FBN1: variants seen among roughly 807,000 people sequenced by gnomAD.
FBN1 encodes fibrillin 1.
Under a neutral mutation model 365.1 loss-of-function variants are expected in FBN1, and 29 were observed. That is an observed-to-expected ratio of 0.08 (90% CI 0.06 to 0.11). The LOEUF (loss-of-function observed/expected upper bound fraction) is 0.11. FBN1 is among the 10% of genes least tolerant of loss of function. The probability of loss-of-function intolerance (pLI) is 1.00; values close to 1 mark genes in which losing one functional copy is unlikely to be tolerated. For missense variants in FBN1, 2,476 were observed against 3,703.2 expected, an observed-to-expected ratio of 0.67 and a Z score of 8.60; for synonymous variants, 1,210 against 1,270.5, an observed-to-expected ratio of 0.95 and a Z score of 1.01.
chr15:48,466,467 C>G (rs2043322828), intron 38 of FBN1, among the ~76,000 whole-genome samples: 1 of 152,162 alleles, frequency 6.6e-6, no homozygotes, highest in African/African-American at 2.4e-5. Flanking sequence ...AAGTATTTTA[C>G]CCAGAAACAT....
Position 48,465,559 on chromosome 15 carries a change from A to C in FBN1, c.4942+9T>G. The stretch of plus-strand genomic sequence containing the variant: ...TGCAAGACCTTATCATCCTACCAGG[A>C]CCATTTACCATCACACACTCGTGTA... On this transcript the variant is annotated intron_variant, in intron 40 of 65. Transcript: ENST00000316623. The C allele has an allele frequency of 1.9e-6, 3 of 1,613,880 alleles. No homozygotes were observed. Among genetic ancestry groups the C allele is most frequent in the Non-Finnish European group, 2.5e-6 (3 of 1,179,940 alleles).
intron 44 of FBN1, 97 bp from the exon 45 acceptor site, chr15:48,452,781 T>A (rs1340221426): frequency 7.2e-7 from 1 of 1,393,862 alleles, no homozygotes; most frequent in Non-Finnish European, 1.0e-6. Flanking sequence ...TTTATTTTGA[T>A]CTGTTCTATT....
At chr15:48,545,865 T>C (rs1033124469) in intron 6 of FBN1, among the ~76,000 whole-genome samples, 5 of 151,770 alleles carry the variant, frequency 3.3e-5, no homozygotes, top group Non-Finnish European at 7.4e-5. Context: ...TTACAAAAAA[T>C]ACACAAAAAT....
chr15:48,495,439 T>C (rs377669547), intron 21 of FBN1, 30 bp downstream of exon 21: 8 of 1,611,506 alleles, frequency 5.0e-6, no homozygotes, highest in East Asian at 2.2e-5. Flanking sequence ...TTGATAAACA[T>C]AGAAAAATCA....
intron 63 of FBN1, among the ~76,000 whole-genome samples, chr15:48,418,954 T>C (rs1317702388): frequency 6.6e-6 from 1 of 152,158 alleles, no homozygotes; most frequent in Admixed American, 6.5e-5. Flanking sequence ...GCAAGCTGAA[T>C]TTTTTGAAAT....
At chr15:48,494,556 C>T (rs1004124980) in intron 22 of FBN1, among the ~76,000 whole-genome samples, 4 of 152,172 alleles carry the variant, frequency 2.6e-5, no homozygotes, top group African/African-American at 9.7e-5. Context: ...TTCTCTCTTG[C>T]TGTTCACCTG....
chr15:48,511,193 G>A (rs1190120962), intron 13 of FBN1, among the ~76,000 whole-genome samples: 2 of 152,168 alleles, frequency 1.3e-5, no homozygotes, highest in African/African-American at 4.8e-5. Flanking sequence ...CTGTGTCTGT[G>A]TGGTGTCTTG....
At chr15:48,435,071 A>C (rs755664141) in intron 53 of FBN1, among the ~76,000 whole-genome samples, 3 of 151,604 alleles carry the variant, frequency 2.0e-5, no homozygotes, top group Non-Finnish European at 4.4e-5. Context: ...TGCTGAGATT[A>C]AAGGTGTGAG....
At chr15:48,645,402 C>A (rs1453416413) in intron 1 of FBN1, among the ~76,000 whole-genome samples, 173 bp downstream of exon 1, 1 of 152,250 alleles carries the variant, frequency 6.6e-6, no homozygotes. Flanking sequence ...GAGCCCCGGG[C>A]CAGGAAGCTG....
rs138417706 is a variant in FBN1, at chr15:48,592,117, T to C, written c.538+4166A>G. Among the ~76,000 whole-genome samples the C allele has an allele frequency of 1.5e-3, 221 of 152,346 alleles. 1 individual carries two copies. Among genetic ancestry groups the C allele is most frequent in the African/African-American group, 5.1e-3 (214 of 41,576 alleles). On this transcript the variant is annotated intron_variant, in intron 6 of 65. Transcript: ENST00000316623. Reference sequence around the variant, plus strand: ...CTTACGTCCAATGGCCGCTTTATGATTCTCATTCTCAGACCTTCGATGAGT... The same window carrying C: ...CTTACGTCCAATGGCCGCTTTATGACTCTCATTCTCAGACCTTCGATGAGT...
intron 10 of FBN1, among the ~76,000 whole-genome samples, chr15:48,517,399 G>C (rs1269851035): frequency 6.6e-6 from 1 of 152,184 alleles, no homozygotes; most frequent in East Asian, 1.9e-4. Context: ...TATCAATGGA[G>C]AAGTGGCCCA....
At chr15:48,450,069 C>A (rs1051772763) in intron 45 of FBN1, among the ~76,000 whole-genome samples, 1 of 152,168 alleles carries the variant, frequency 6.6e-6, no homozygotes. Context: ...CTACTACTAG[C>A]CTATGCAGAA....
intron 50 of FBN1, 132 bp downstream of exon 50, chr15:48,441,589 T>C (rs2043115465): frequency 8.8e-7 from 1 of 1,132,858 alleles, no homozygotes; most frequent in African/African-American, 1.5e-5. Flanking sequence ...TGGTTATCAT[T>C]AGACCTCTGG....
intron 50 of FBN1, among the ~76,000 whole-genome samples, chr15:48,441,315 T>C (rs1256209327): frequency 6.6e-6 from 1 of 152,116 alleles, no homozygotes; most frequent in Non-Finnish European, 1.5e-5. Context: ...TGGGGGCAAA[T>C]GGGTTAATGT....
intron 60 of FBN1, 135 bp from the exon 61 acceptor site, chr15:48,422,203 G>C (rs2042949335): frequency 1.4e-6 from 1 of 707,486 alleles, no homozygotes; most frequent in Non-Finnish European, 2.6e-6. Context: ...ACAGCAAAAG[G>C]CAAGGAGAGA....
At chr15:48,550,400 C>T (rs1050195205) in intron 6 of FBN1, among the ~76,000 whole-genome samples, 4 of 152,128 alleles carry the variant, frequency 2.6e-5, no homozygotes, top group Non-Finnish European at 4.4e-5. Context: ...CTCAGGGCAG[C>T]GGGGATTACA....
At chr15:48,512,935 G>T (rs1458486629) in intron 13 of FBN1, among the ~76,000 whole-genome samples, 1 of 152,102 alleles carries the variant, frequency 6.6e-6, no homozygotes, top group Non-Finnish European at 1.5e-5. Flanking sequence ...GGCATATTGG[G>T]TGGCTTAATA....
intron 2 of FBN1, among the ~76,000 whole-genome samples, chr15:48,616,506 T>C (rs1190348273): frequency 6.6e-6 from 1 of 152,216 alleles, no homozygotes; most frequent in Non-Finnish European, 1.5e-5. Flanking sequence ...AATAAATGAA[T>C]GTCTTATTGA....
At chr15:48,564,961 G>C (rs758907016) in intron 6 of FBN1, among the ~76,000 whole-genome samples, 53 of 152,168 alleles carry the variant, frequency 3.5e-4, no homozygotes, top group Non-Finnish European at 6.2e-4. Context: ...ACTTTCCTAT[G>C]TACCAAGTAT....
Sources: allele counts gnomAD v4.1 joint callset (sites outside exome capture counted in the v4.1 genomes callset), GRCh38; gene constraint gnomAD v4.1.1; transcripts MANE v1.5; gene names NCBI Gene and HGNC (gene_info 2026-07-23, HGNC 2026-07-21).